Variants in CERT1 observed in about 807,000 individuals in gnomAD.
The protein encoded by CERT1 is ceramide transfer protein.
A neutral mutation model predicts 87.9 loss-of-function variants in CERT1; 31 were observed. The ratio of observed to expected loss-of-function variants is 0.35; its 90% CI spans 0.27 to 0.48. The LOEUF (loss-of-function observed/expected upper bound fraction) is 0.48, where lower values mean the gene tolerates loss of function less well. Ranked by LOEUF, CERT1 falls within the 20% of genes least tolerant of loss-of-function variation. The pLI, the probability that CERT1 is intolerant of heterozygous loss-of-function variation, is 0.99. For synonymous variants in CERT1, 289 were observed against 250.9 expected (o/e 1.15, Z -1.44); for missense variants, 487 against 758.0 (o/e 0.64, Z 4.20).
At chr5:75,439,840 T>C (rs1764248796) in intron 3 of CERT1, among the ~76,000 whole-genome samples, 1 of 152,056 alleles carries the variant, frequency 6.6e-6, no homozygotes, top group Admixed American at 6.5e-5. Context: ...AAATATATTA[T>C]CTGAGGTAAA....
intron 3 of CERT1, among the ~76,000 whole-genome samples, chr5:75,438,948 C>A (rs1294382749): frequency 6.6e-6 from 1 of 150,558 alleles, no homozygotes; most frequent in African/African-American, 2.4e-5. Flanking sequence ...AAGAGCAATA[C>A]CAGCCTGAAC....
intron 3 of CERT1, among the ~76,000 whole-genome samples, chr5:75,454,315 G>A (rs969141406): frequency 5.3e-5 from 8 of 152,020 alleles, no homozygotes; most frequent in South Asian, 4.1e-4. Context: ...GAAATTTGCC[G>A]TTTGATATTG....
intron 12 of CERT1, among the ~76,000 whole-genome samples, chr5:75,386,864 T>C (rs928544192): frequency 6.6e-6 from 1 of 152,202 alleles, no homozygotes; most frequent in East Asian, 1.9e-4. Context: ...GTAAGCTCTT[T>C]ACTATTCTTT....
intron 2 of CERT1, among the ~76,000 whole-genome samples, chr5:75,468,404 CT>C (rs1402711127): frequency 6.6e-6 from 1 of 152,132 alleles, no homozygotes; most frequent in East Asian, 1.9e-4. Flanking sequence ...AAGTGTAGGA[CT>C]TTCCCTTGGT....
chr5:75,399,447 C>A, intron 10 of CERT1, 60 bp from the exon 11 acceptor site: 1 of 1,212,724 alleles, frequency 8.2e-7, no homozygotes, highest in South Asian at 1.2e-5. Context: ...ACAGAGCATT[C>A]AGTACCAACT....
At position 75,395,248 on chromosome 5, in the gene CERT1, A is replaced by C. The variant is rs145935809; in HGVS notation, c.1188+4062T>G. Among the ~76,000 whole-genome samples, 317 of 152,328 alleles carry C rather than the reference A, an allele frequency of 2.1e-3. 1 individual carries two copies. In the East Asian group the frequency reaches 0.027, roughly 13 times the overall value. On this transcript the variant is annotated intron_variant, in intron 11 of 16. Coordinates refer to ENST00000643780, the MANE Select transcript of CERT1 (RefSeq NM_001379029.1). ...AACTGTGTTATGCAAATAACTGTGAACAAAATGATCAATTTATGAATCTAA... is the reference window on the plus strand; with the variant it reads ...AACTGTGTTATGCAAATAACTGTGACCAAAATGATCAATTTATGAATCTAA...
chr5:75,426,592 A>G (rs1192578640), intron 3 of CERT1, 114 bp from the exon 4 acceptor site: 5 of 684,138 alleles, frequency 7.3e-6, no homozygotes, highest in Admixed American at 5.0e-5. Context: ...CTGGGTGCAC[A>G]TAAGATATAT....
At chr5:75,467,650 G>GAAAAAAAAAAAAAAAAAAAAAAAAAAA (rs58587061) in intron 2 of CERT1, among the ~76,000 whole-genome samples, 1 of 132,986 alleles carries the variant, frequency 7.5e-6, no homozygotes, top group Non-Finnish European at 1.6e-5. Context: ...CCAAAAAAAA[G>GAAAAAAAAAAAAAAAAAAAAAAAAAAA]AAAAAAAAAA....
intron 3 of CERT1, among the ~76,000 whole-genome samples, chr5:75,453,134 C>T (rs1243055151): frequency 2.0e-5 from 3 of 152,164 alleles, no homozygotes; most frequent in South Asian, 2.1e-4. Flanking sequence ...TTGTAGTGAG[C>T]AACCATTCTA....
downstream of CERT1, chr5:75,377,433 A>G (rs897311027): frequency 4.6e-5 from 7 of 152,252 alleles, no homozygotes; most frequent in African/African-American, 1.7e-4. Context: ...TATGGATACA[A>G]TTATGACACT....
At chr5:75,425,202 T>C in intron 5 of CERT1, 159 bp downstream of exon 5, 1 of 607,472 alleles carries the variant, frequency 1.6e-6, no homozygotes, top group South Asian at 2.4e-5. Context: ...GTAACTGAAG[T>C]ACCCAAGTTA....
intron 2 of CERT1, among the ~76,000 whole-genome samples, chr5:75,494,206 T>A (rs1766950175): frequency 6.6e-6 from 1 of 152,208 alleles, no homozygotes; most frequent in African/African-American, 2.4e-5. Flanking sequence ...GGCTGTACTT[T>A]GAGTTTACCA....
chr5:75,472,201 G>A (rs1022995942), intron 2 of CERT1, among the ~76,000 whole-genome samples: 1 of 152,154 alleles, frequency 6.6e-6, no homozygotes, highest in African/African-American at 2.4e-5. Flanking sequence ...AACAAATAGT[G>A]TTAGGAAAAC....
At chr5:75,462,211 T>A (rs1765261120) in intron 2 of CERT1, among the ~76,000 whole-genome samples, 1 of 151,944 alleles carries the variant, frequency 6.6e-6, no homozygotes, top group Non-Finnish European at 1.5e-5. Flanking sequence ...TGGAAAACAT[T>A]GAGAGGTGAT....
Position 75,378,446 on chromosome 5 carries a change from T to C in CERT1, c.*900A>G, listed in dbSNP as rs533206755. ...AACAACACCAAAATAAAGTTAAAGA[T>C]TCTACCTCTTTGCATAAAGGTGTTC... On this transcript the variant is annotated 3_prime_UTR_variant, in exon 17 of 17. Transcript: ENST00000643780. 1 of 152,248 alleles carries C rather than the reference T, an allele frequency of 6.6e-6. No individual in the cohort carries two copies. The highest frequency in any genetic ancestry group is 2.4e-5 in the African/African-American group (1 of 41,542). The allele number at this position is 152,248 out of a possible 1,614,324, so 9.4% of individuals were successfully genotyped here. A position where few individuals can be genotyped will look rare whatever the true frequency, so the allele number is the denominator to read the frequency against.
At chr5:75,508,674 A>G (rs964579412) in intron 1 of CERT1, among the ~76,000 whole-genome samples, 3 of 152,326 alleles carry the variant, frequency 2.0e-5, no homozygotes, top group Non-Finnish European at 4.4e-5. Context: ...CACAAACTCA[A>G]GAGAAAAAAA....
At chr5:75,489,809 T>C (rs1183955373) in intron 2 of CERT1, among the ~76,000 whole-genome samples, 2 of 152,170 alleles carry the variant, frequency 1.3e-5, no homozygotes, top group African/African-American at 2.4e-5. Flanking sequence ...AGTTCAACCA[T>C]TGTGGAAGAT....
intron 17 of CERT1, chr5:75,371,292 T>C (rs575919463): frequency 6.6e-6 from 1 of 152,294 alleles, no homozygotes; most frequent in African/African-American, 2.4e-5. Flanking sequence ...AGATGAACCA[T>C]GACAAAATCC....
intron 2 of CERT1, among the ~76,000 whole-genome samples, chr5:75,465,829 G>T (rs966761871): frequency 6.6e-6 from 1 of 152,146 alleles, no homozygotes; most frequent in African/African-American, 2.4e-5. Flanking sequence ...TCAAAGTAAG[G>T]CTGGAGAGGA....
Sources: allele counts gnomAD v4.1 joint callset (sites outside exome capture counted in the v4.1 genomes callset), GRCh38; gene constraint gnomAD v4.1.1; transcripts MANE v1.5; gene names NCBI Gene and HGNC (gene_info 2026-07-23, HGNC 2026-07-21).